The following FAM221B variants were observed in gnomAD, a reference collection of about 807,000 sequenced individuals.
FAM221B encodes the protein protein FAM221B.
FAM221B carries 35 observed loss-of-function variants against 39.8 expected under a neutral mutation model. That is an observed-to-expected ratio of 0.88 (90% CI 0.67 to 1.17). FAM221B has a LOEUF of 1.17. Among genes scored for constraint, FAM221B ranks in the 50% most tolerant of loss-of-function variants. FAM221B has a pLI of 0.00. For synonymous variants in FAM221B, 158 were observed against 178.1 expected, an observed-to-expected ratio of 0.89 and a Z score of 0.90; for missense variants, 479 against 503.1, an observed-to-expected ratio of 0.95 and a Z score of 0.46.
In FAM221B at chr9:35,820,149, C is replaced by A. The variant is rs1341538069; in HGVS notation, c.743-149G>T. 32 of 584,386 alleles carry A rather than the reference C, an allele frequency of 5.5e-5. 2 individuals carry two copies. The highest frequency in any genetic ancestry group is 4.2e-4 in the East Asian group (15 of 35,454). The allele number at this position is 584,386 out of a possible 1,614,324, so 36.2% of individuals were successfully genotyped here. A position where few individuals can be genotyped will look rare whatever the true frequency, so the allele number is the denominator to read the frequency against. ...TTTATCTCCACCTGGAAGTCCTCAC[C>A]TCTACCCCTTAGATTTTCTTTTTCC... On this transcript the variant is annotated intron_variant, in intron 3 of 6. Coordinates refer to ENST00000423537, the MANE Select transcript of FAM221B (RefSeq NM_001012446.4).
chr9:35,819,015 G>T lies in FAM221B; in HGVS notation c.1052-6C>A. 5 of 1,551,660 alleles carry T rather than the reference G, an allele frequency of 3.2e-6. No individual in the cohort carries two copies. The highest frequency in any genetic ancestry group is 4.4e-6 in the Non-Finnish European group (5 of 1,146,998). On this transcript the variant is annotated splice_region_variant and splice_polypyrimidine_tract_variant and intron_variant, in intron 5 of 6. Coordinates refer to ENST00000423537, the MANE Select transcript of FAM221B (RefSeq NM_001012446.4). Reference sequence around the variant, plus strand: ...AAAACAGCCGCAGCAACAGCCTGGGGCAAAAGTGCAGCCAAGAAGAGTTTA... The same window carrying T: ...AAAACAGCCGCAGCAACAGCCTGGGTCAAAAGTGCAGCCAAGAAGAGTTTA...
chr9:35,821,957 A>C (rs556820766), intron 3 of FAM221B, among the ~76,000 whole-genome samples: 1 of 152,260 alleles, frequency 6.6e-6, no homozygotes. Context: ...TGCCATTTTG[A>C]TTCTGTCTAA....
At chr9:35,826,978 T>C (rs1222422692) in intron 1 of FAM221B, 1 of 152,248 alleles carries the variant, frequency 6.6e-6, no homozygotes, top group East Asian at 1.9e-4. Flanking sequence ...GGCTAAGTTT[T>C]ATATTTTTAG....
intron 3 of FAM221B, among the ~76,000 whole-genome samples, chr9:35,824,659 G>GC (rs1554677395): frequency 6.8e-6 from 1 of 147,560 alleles, no homozygotes; most frequent in Non-Finnish European, 1.5e-5. Context: ...TGACCCTTCT[G>GC]TTTTTTTTTG....
In FAM221B at chr9:35,818,236, T is replaced by TCCTTCTTGAAACTTCCTC. The variant is rs1347676524; in HGVS notation, c.*215_*232dup. On this transcript the variant is annotated 3_prime_UTR_variant, in exon 7 of 7. Transcript: ENST00000423537. ...GCATCTAACATCACTTCCCACTCTA[T>TCCTTCTTGAAACTTCCTC]CCTTCTTGAAACTTCCTCCCTTCTT... The TCCTTCTTGAAACTTCCTC allele has an allele frequency of 5.3e-6, 3 of 565,776 alleles. No individual in the cohort carries two copies. Among genetic ancestry groups the TCCTTCTTGAAACTTCCTC allele is most frequent in the Non-Finnish European group, 6.4e-6 (2 of 314,700 alleles). 35.0% of individuals were successfully genotyped at this position (565,776 alleles called of 1,614,324 possible). A position where few individuals can be genotyped will look rare whatever the true frequency, so the allele number is the denominator to read the frequency against.
intron 3 of FAM221B, among the ~76,000 whole-genome samples, chr9:35,822,514 TCTC>T (rs1283087034): frequency 1.3e-5 from 2 of 152,088 alleles, no homozygotes; most frequent in African/African-American, 4.8e-5. Context: ...TTCAAGCAAT[TCTC>T]CTGCCTCAGC....
rs371781255 is a variant in FAM221B, at chr9:35,826,184, G to T, written c.1-23C>A. The T allele has an allele frequency of 6.5e-6, 10 of 1,530,268 alleles. No homozygotes were observed. The South Asian group carries it at 9.1e-5, about 14-fold the overall frequency. The allele number at this position is 1,530,268 out of a possible 1,614,324, so 94.8% of individuals were successfully genotyped here. On this transcript the variant is annotated intron_variant, in intron 1 of 6. Transcript: ENST00000423537. ...CATCTAGTGGTAGAACAGGGTACAG[G>T]CTTCATTAGGTTGGAAATAGAGGGC...
At chr9:35,818,642 C>T in intron 6 of FAM221B, 136 bp from the exon 7 acceptor site, 9 of 1,005,102 alleles carry the variant, frequency 9.0e-6, no homozygotes, top group Non-Finnish European at 4.5e-6. Context: ...CCTGTATCTG[C>T]AGGGCCTAGA....
Position 35,818,994 on chromosome 9 carries a change from C to T in FAM221B, c.1067G>A (p.Cys356Tyr), listed in dbSNP as rs1207684456. 4.5e-6 allele frequency: 7 copies of T among 1,551,720 alleles called. No individual in the cohort carries two copies. Among genetic ancestry groups the T allele is most frequent in the Non-Finnish European group, 6.1e-6 (7 of 1,146,994 alleles). ...CGCACAGAGGAAATTAGACTCAAAA[C>T]AGCCGCAGCAACAGCCTGGGGCAAA... is the stretch of plus-strand genomic sequence containing the variant. ...PCRHHGCCCG[C>Y]FESNFLCAAC... The change falls in exon 6 of 7, where the codon TGT (cysteine) becomes TAT (tyrosine). Residue 356 changes from cysteine (C) to tyrosine (Y), a missense_variant. Physicochemically the swap from Cys to Tyr is radical, Grantham distance 194. Transcript: ENST00000423537.
At position 35,818,771 on chromosome 9, in the gene FAM221B, A is replaced by C. The variant is rs1196696422; in HGVS notation, c.1171+119T>G. 2.2e-6 allele frequency: 3 copies of C among 1,341,910 alleles called. No homozygotes were observed. The African/African-American group carries it at 4.4e-5, about 19-fold the overall frequency. 83.1% of individuals were successfully genotyped at this position (1,341,910 alleles called of 1,614,324 possible). ...GGATGCAGGTAGGTGGGTGGTGGGG[A>C]GGTGGGCTGAGGGAGCGCGCTAGTC... is the stretch of plus-strand genomic sequence containing the variant. On this transcript the variant is annotated intron_variant, in intron 6 of 6. Coordinates refer to ENST00000423537, the MANE Select transcript of FAM221B (RefSeq NM_001012446.4).
At chr9:35,823,382 T>C (rs1829194429) in intron 3 of FAM221B, among the ~76,000 whole-genome samples, 1 of 152,236 alleles carries the variant, frequency 6.6e-6, no homozygotes, top group Non-Finnish European at 1.5e-5. Flanking sequence ...GGCACATAGT[T>C]GGTGCTCAAT....
chr9:35,825,571 G>A lies in FAM221B; in HGVS notation c.591C>T (p.His197=). The A allele has an allele frequency of 1.2e-6, 2 of 1,610,128 alleles. No individual in the cohort carries two copies. Among genetic ancestry groups the A allele is most frequent in the Non-Finnish European group, 8.5e-7 (1 of 1,177,996 alleles). Residue 197 remains histidine (H), a synonymous_variant, in exon 2 of 7, where the codon CAC becomes CAT. Transcript: ENST00000423537. The surrounding 1 kb of genome is among the most constrained non-coding windows in gnomAD (Gnocchi z 4.2). ...DSTAHTAQPG[H]QLGNTARPVF... is the part of the protein sequence containing the mutation. ...TCTTCTTCTTCTTCTTGCCTAGTTG[G>A]TGTCCAGGTTGGGCTGTGTGAGCAG...
chr9:35,819,908 C>G lies in FAM221B; in HGVS notation c.835G>C (p.Glu279Gln), dbSNP rs1228713051. The change falls in exon 4 of 7, where the codon GAG (glutamate) becomes CAG (glutamine). Residue 279 changes from glutamate to glutamine, a missense_variant. Coordinates refer to ENST00000423537, the MANE Select transcript of FAM221B (RefSeq NM_001012446.4). ...SRCFCGHLLR[E>Q]HRIISDISVP... ...CCCCTACCTGAGATGATCCGGTGCT[C>G]TCTCAACAAGTGTCCACAAAAGCAT... 9.3e-6 allele frequency: 15 copies of G among 1,610,450 alleles called. No homozygotes were observed. The highest frequency in any genetic ancestry group is 1.2e-5 in the Non-Finnish European group (14 of 1,177,604).
chr9:35,820,403 C>T (rs1252741335), intron 3 of FAM221B, among the ~76,000 whole-genome samples: 2 of 152,286 alleles, frequency 1.3e-5, no homozygotes, highest in African/African-American at 2.4e-5. Context: ...GCTTTGTTTT[C>T]TTGAAGTGTC....
At chr9:35,827,250 A>G (rs965835458) in intron 1 of FAM221B, among the ~76,000 whole-genome samples, 2 of 152,166 alleles carry the variant, frequency 1.3e-5, no homozygotes, top group African/African-American at 2.4e-5. Flanking sequence ...TATTCCCCAA[A>G]TGCATTCTCT....
chr9:35,818,405 C>G lies in FAM221B; in HGVS notation c.*64G>C. 6.8e-6 allele frequency: 10 copies of G among 1,461,746 alleles called. No homozygotes were observed. The highest frequency in any genetic ancestry group is 9.4e-6 in the Non-Finnish European group (10 of 1,065,266). 90.5% of individuals were successfully genotyped at this position (1,461,746 alleles called of 1,614,324 possible). A position where few individuals can be genotyped will look rare whatever the true frequency, so the allele number is the denominator to read the frequency against. ...AGTCTCTCCCTGGGCTGGGATCTACCTGCCCCATATAGAGCCAAGTCAGGT... is the reference window on the plus strand; with the variant it reads ...AGTCTCTCCCTGGGCTGGGATCTACGTGCCCCATATAGAGCCAAGTCAGGT... On this transcript the variant is annotated 3_prime_UTR_variant, in exon 7 of 7. Coordinates refer to ENST00000423537, the MANE Select transcript of FAM221B (RefSeq NM_001012446.4).
In FAM221B at chr9:35,825,937, A is replaced by T; in HGVS notation, c.225T>A (p.His75Gln). 1 of 1,613,876 alleles carries T rather than the reference A, an allele frequency of 6.2e-7. No individual in the cohort carries two copies. The highest frequency in any genetic ancestry group is 8.5e-7 in the Non-Finnish European group (1 of 1,179,942). ...IPLEAHSPET[H>Q]QEPSISETPS... The stretch of plus-strand genomic sequence containing the variant: ...GAGTCTCAGAGATGGAAGGCTCCTG[A>T]TGGGTTTCAGGGGAATGGGCCTCTA... The change falls in exon 2 of 7, where the codon CAT (histidine) becomes CAA (glutamine). Residue 75 changes from histidine to glutamine, a missense_variant. By Grantham distance (24) the His-to-Gln change is conservative. Transcript: ENST00000423537. The surrounding 1 kb of genome is among the most constrained non-coding windows in gnomAD (Gnocchi z 4.2).
In FAM221B at chr9:35,818,177, A is replaced by T. The variant is rs1355472658; in HGVS notation, c.*292T>A. 1.8e-5 allele frequency: 8 copies of T among 435,120 alleles called. No individual in the cohort carries two copies. The highest frequency in any genetic ancestry group is 3.4e-5 in the Non-Finnish European group (8 of 237,682). 27.0% of individuals were successfully genotyped at this position (435,120 alleles called of 1,614,324 possible). A position where few individuals can be genotyped will look rare whatever the true frequency, so the allele number is the denominator to read the frequency against. ...CTTCTAATTGCAAAACCCAATGGAC[A>T]CTTTTCAGTCTTTATCTTATTGGTG... On this transcript the variant is annotated 3_prime_UTR_variant, in exon 7 of 7. Coordinates refer to ENST00000423537, the MANE Select transcript of FAM221B (RefSeq NM_001012446.4).
chr9:35,819,860 C>T (rs760859364), intron 4 of FAM221B, 30 bp downstream of exon 4: 24 of 1,320,876 alleles, frequency 1.8e-5, no homozygotes, highest in Non-Finnish European at 2.6e-5. Context: ...TTCCTCCACA[C>T]TCGAGAGGGG....
Sources: gnomAD v4.1 joint callset for allele counts (sites outside exome capture counted in the v4.1 genomes callset) on GRCh38, gnomAD v4.1.1 for gene constraint, Gnocchi (gnomAD v3.1) non-coding constraint, MANE v1.5 for transcripts, NCBI Gene and HGNC (gene_info 2026-07-23, HGNC 2026-07-21) for gene names.